Variants in KIF4A observed in about 807,000 individuals in gnomAD.
The protein encoded by KIF4A is kinesin family member 4A.
KIF4A carries 7 observed loss-of-function variants against 105.9 expected under a neutral mutation model. The observed-to-expected ratio is 0.07, with a 90% CI of 0.04 to 0.12. KIF4A has a LOEUF of 0.12. KIF4A is among the 10% of genes least tolerant of loss of function. The pLI is 1.00. For missense variants in KIF4A, 558 were observed against 929.2 expected (o/e 0.60, Z 5.19); for synonymous variants, 281 against 331.3 (o/e 0.85, Z 1.65).
intron 7 of KIF4A, among the ~76,000 whole-genome samples, chrX:70,313,024 G>A (rs1951477481): frequency 1.8e-5 from 2 of 111,149 alleles, no homozygotes; most frequent in Non-Finnish European, 3.8e-5. Context: ...ATTTTCTCTT[G>A]GGTGTATAGT....
chrX:70,333,555 G>A, intron 9 of KIF4A, 73 bp from the exon 10 acceptor site: 1 of 701,946 alleles, frequency 1.4e-6, no homozygotes, highest in Non-Finnish European at 2.3e-6. Context: ...TGCTAATTGT[G>A]GTAATTTTAC....
At chrX:70,408,722 T>G (rs564259073) in intron 28 of KIF4A, among the ~76,000 whole-genome samples, 8 of 112,549 alleles carry the variant, frequency 7.1e-5, no homozygotes, top group African/African-American at 2.6e-4. Context: ...ACATATCATG[T>G]GCTCATAGTG....
intron 27 of KIF4A, 89 bp downstream of exon 27, chrX:70,406,443 A>G: frequency 1.5e-6 from 1 of 676,370 alleles, no homozygotes. Flanking sequence ...GTTGACAGTT[A>G]AAATTCCCAA....
intron 20 of KIF4A, among the ~76,000 whole-genome samples, chrX:70,393,415 G>T (rs2086245058): frequency 9.0e-6 from 1 of 111,388 alleles, no homozygotes; most frequent in East Asian, 2.8e-4. Context: ...GCTGTTGTTG[G>T]ATGGAGTATC....
At chrX:70,399,129 A>G (rs2086271005) in intron 22 of KIF4A, among the ~76,000 whole-genome samples, 2 of 112,429 alleles carry the variant, frequency 1.8e-5, no homozygotes, top group Admixed American at 1.9e-4. Flanking sequence ...GTGACGAAAC[A>G]GGAAGAACAC....
chrX:70,347,239 C>CCTTGG (rs2085996473), intron 13 of KIF4A, among the ~76,000 whole-genome samples: 1 of 110,934 alleles, frequency 9.0e-6, no homozygotes, highest in Non-Finnish European at 1.9e-5. Flanking sequence ...GCACAGTGTA[C>CCTTGG]CCTTGTTCCC....
chrX:70,370,806 G>C lies in KIF4A; in HGVS notation c.1675-3345G>C, dbSNP rs994562762. Among the ~76,000 whole-genome samples the C allele has an allele frequency of 5.5e-5, 6 of 108,899 alleles. No homozygotes were observed. The East Asian group carries it at 1.2e-3, about 21-fold the overall frequency. The allele number at this position is 108,899 out of a possible 115,157, so 94.6% of individuals were successfully genotyped here. A position where few individuals can be genotyped will look rare whatever the true frequency, so the allele number is the denominator to read the frequency against. Reference sequence around the variant, plus strand: ...CAAAAATTAGCCAAGTGTGGTGGCAGGTGCCTGTAATCTCAGCTACTTGGG... The same window carrying C: ...CAAAAATTAGCCAAGTGTGGTGGCACGTGCCTGTAATCTCAGCTACTTGGG... On this transcript the variant is annotated intron_variant, in intron 15 of 30. Coordinates refer to ENST00000374403, the MANE Select transcript of KIF4A (RefSeq NM_012310.5).
intron 7 of KIF4A, among the ~76,000 whole-genome samples, chrX:70,302,903 A>G (rs1209005931): frequency 8.9e-6 from 1 of 111,809 alleles, no homozygotes; most frequent in Non-Finnish European, 1.9e-5. Context: ...ATGATCTTGA[A>G]GTGATTATTA....
intron 28 of KIF4A, among the ~76,000 whole-genome samples, chrX:70,408,969 G>A (rs1212741781): frequency 1.8e-5 from 2 of 111,826 alleles, no homozygotes; most frequent in Admixed American, 9.5e-5. Context: ...GGGTTCAAGC[G>A]ATTCTCCAGC....
chrX:70,387,822 C>T (rs1313862418), intron 20 of KIF4A, among the ~76,000 whole-genome samples: 1 of 111,441 alleles, frequency 9.0e-6, no homozygotes, highest in Non-Finnish European at 1.9e-5. Flanking sequence ...AAGCCAAGAT[C>T]GCACCATTGC....
At chrX:70,378,099 A>C (rs1199270954) in intron 18 of KIF4A, among the ~76,000 whole-genome samples, 3 of 112,691 alleles carry the variant, frequency 2.7e-5, no homozygotes, top group African/African-American at 9.7e-5. Context: ...AAATTAAAAA[A>C]TACTTTGAGA....
rs1225525398 is a variant in KIF4A, at chrX:70,404,895, G to A, written c.2898+73G>A. On this transcript the variant is annotated intron_variant, in intron 25 of 30. Transcript: ENST00000374403. Reference sequence around the variant, plus strand: ...AGAATCTTGTCTCATTTAGACCCTTGTACTTGCAGCAGAGAGTAATTAACT... The same window carrying A: ...AGAATCTTGTCTCATTTAGACCCTTATACTTGCAGCAGAGAGTAATTAACT... 5.2e-5 allele frequency: 34 copies of A among 659,723 alleles called. No individual in the cohort carries two copies. In the Admixed American group the frequency reaches 9.8e-4, roughly 19 times the overall value. The allele number at this position is 659,723 out of a possible 1,213,427, so 54.4% of individuals were successfully genotyped here.
chrX:70,312,225 G>A (rs2085853480), intron 7 of KIF4A, among the ~76,000 whole-genome samples: 1 of 102,196 alleles, frequency 9.8e-6, no homozygotes, highest in Non-Finnish European at 2.0e-5. Context: ...GCTAACTGCA[G>A]CCTCTGCCTC....
chrX:70,320,709 G>A (rs2085886873), intron 7 of KIF4A, among the ~76,000 whole-genome samples: 1 of 111,779 alleles, frequency 8.9e-6, no homozygotes, highest in East Asian at 2.8e-4. Context: ...AGAAGAGAGA[G>A]GTTGATTAAT....
chrX:70,328,391 C>A (rs1197964986), intron 7 of KIF4A, among the ~76,000 whole-genome samples: 1 of 110,852 alleles, frequency 9.0e-6, no homozygotes, highest in African/African-American at 3.3e-5. Context: ...CTCTCCAGTC[C>A]TCTTATCAGG....
intron 28 of KIF4A, among the ~76,000 whole-genome samples, chrX:70,414,392 G>GA (rs1007448572): frequency 1.3e-4 from 14 of 109,398 alleles, no homozygotes; most frequent in East Asian, 2.9e-4. Context: ...GATGTGACAG[G>GA]AAAAAAAAAG....
At chrX:70,361,157 TG>T (rs1453713097) in intron 15 of KIF4A, among the ~76,000 whole-genome samples, 1 of 113,269 alleles carries the variant, frequency 8.8e-6, no homozygotes, top group African/African-American at 3.2e-5. Context: ...TCGAGCCTAT[TG>T]GGGGCAGACT....
chrX:70,329,552 AG>A lies in KIF4A; in HGVS notation c.895+32del, dbSNP rs1822642967. 4 of 1,105,559 alleles carry A rather than the reference AG, an allele frequency of 3.6e-6. No individual in the cohort carries two copies. In the African/African-American group the frequency reaches 5.4e-5, roughly 15 times the overall value. 91.1% of individuals were successfully genotyped at this position (1,105,559 alleles called of 1,213,427 possible). A position where few individuals can be genotyped will look rare whatever the true frequency, so the allele number is the denominator to read the frequency against. On this transcript the variant is annotated intron_variant, in intron 8 of 30. Transcript: ENST00000374403. ...CCCAAAGTGCCTCCAAAAATAAGAG[AG>A]TAACTCAAAATGATAGTGCTGAGAC...
intron 10 of KIF4A, among the ~76,000 whole-genome samples, chrX:70,335,305 G>T (rs1476670523): frequency 8.9e-6 from 1 of 112,435 alleles, no homozygotes; most frequent in East Asian, 2.8e-4. Context: ...GACAAATACT[G>T]TATGATTCCA....
Sources: gnomAD v4.1 joint callset for allele counts (sites outside exome capture counted in the v4.1 genomes callset) on GRCh38, gnomAD v4.1.1 for gene constraint, MANE v1.5 for transcripts, NCBI Gene and HGNC (gene_info 2026-07-23, HGNC 2026-07-21) for gene names.